Variants in EDEM2 observed in about 807,000 individuals in gnomAD.
EDEM2 encodes ER degradation-enhancing alpha-mannosidase-like protein 2.
Under a neutral mutation model 64.8 loss-of-function variants are expected in EDEM2, and 39 were observed. That is an observed-to-expected ratio of 0.60 (90% CI 0.47 to 0.79). EDEM2 has a LOEUF of 0.79. EDEM2 is among the 30% of genes least tolerant of loss of function. EDEM2 has a pLI of 0.00. For synonymous variants in EDEM2, 296 were observed against 291.5 expected (o/e 1.02, Z -0.16); for missense variants, 609 against 731.3 (o/e 0.83, Z 1.93).
chr20:35,122,430 A>G (rs998269677), intron 9 of EDEM2, among the ~76,000 whole-genome samples: 1 of 152,184 alleles, frequency 6.6e-6, no homozygotes, highest in African/African-American at 2.4e-5. Flanking sequence ...GCTGGAGTGC[A>G]ATGGCGTGAT....
Position 35,123,946 on chromosome 20 carries a change from T to C in EDEM2, c.1058A>G (p.Tyr353Cys). 1.2e-6 allele frequency: 2 copies of C among 1,614,180 alleles called. No homozygotes were observed. Among genetic ancestry groups the C allele is most frequent in the Non-Finnish European group, 1.7e-6 (2 of 1,180,028 alleles). ...CACTGTGTATCCCTGAGGAATGTTG[T>C]AGAATTCCGGGAGCCCCCCAAACTG... The part of the protein sequence containing the change: ...WKQFGGLPEF[Y>C]NIPQGYTVEK... The change falls in exon 9 of 11, where the codon TAC becomes TGC. Residue 353 changes from tyrosine to cysteine, a missense_variant. Physicochemically the swap from Tyr to Cys is radical, Grantham distance 194 (BLOSUM62 -2). Transcript: ENST00000374492.
At chr20:35,131,823 G>A (rs79204710) in intron 6 of EDEM2, 40 bp from the exon 7 acceptor site, 52 of 1,599,290 alleles carry the variant, frequency 3.3e-5, no homozygotes, top group South Asian at 2.0e-4. Context: ...CGGGAAGGCC[G>A]ATGGCCAAAG....
chr20:35,115,942 T>A lies in EDEM2; in HGVS notation c.1237-9A>T. 6.2e-7 allele frequency: 1 copy of A among 1,610,910 alleles called. No individual in the cohort carries two copies. Among genetic ancestry groups the A allele is most frequent in the Non-Finnish European group, 8.5e-7 (1 of 1,177,960 alleles). ...TCTCGCAGATCTTTGATCTGACATG[T>A]GGGAGAAGGAAGCAAGCTGGAACAC... On this transcript the variant is annotated splice_polypyrimidine_tract_variant and intron_variant, in intron 10 of 10. Transcript: ENST00000374492.
At chr20:35,146,101 T>C (rs2085728469) in intron 2 of EDEM2, among the ~76,000 whole-genome samples, 1 of 151,702 alleles carries the variant, frequency 6.6e-6, no homozygotes, top group Non-Finnish European at 1.5e-5. Context: ...CATCTATATA[T>C]ATAATGGTAT....
chr20:35,142,640 A>C (rs1444873790), intron 3 of EDEM2, among the ~76,000 whole-genome samples, 162 bp from the exon 4 acceptor site: 1 of 152,214 alleles, frequency 6.6e-6, no homozygotes, highest in African/African-American at 2.4e-5. Flanking sequence ...AGAGCTAGAA[A>C]TCATCTAGAG....
intron 5 of EDEM2, among the ~76,000 whole-genome samples, 186 bp downstream of exon 5, chr20:35,137,694 C>A (rs2085596277): frequency 6.6e-6 from 1 of 152,204 alleles, no homozygotes; most frequent in South Asian, 2.1e-4. Flanking sequence ...CGGGTCAGGG[C>A]CCCAGCAGGC....
At chr20:35,126,733 A>G (rs1223114714) in intron 7 of EDEM2, among the ~76,000 whole-genome samples, 1 of 152,050 alleles carries the variant, frequency 6.6e-6, no homozygotes, top group East Asian at 1.9e-4. Context: ...ACCAACACGG[A>G]GAAACCCTGT....
At chr20:35,135,557 A>G (rs1030141875) in intron 5 of EDEM2, among the ~76,000 whole-genome samples, 1 of 152,306 alleles carries the variant, frequency 6.6e-6, no homozygotes, top group African/African-American at 2.4e-5. Context: ...AGACTGAGGC[A>G]CGAGAATCGT....
chr20:35,123,786 A>G, intron 9 of EDEM2, 104 bp downstream of exon 9: 1 of 1,409,990 alleles, frequency 7.1e-7, no homozygotes, highest in East Asian at 2.3e-5. Context: ...GATGGAAAGA[A>G]ATGAACTTGT....
At chr20:35,118,229 G>C (rs2085330179) in intron 10 of EDEM2, among the ~76,000 whole-genome samples, 3 of 152,152 alleles carry the variant, frequency 2.0e-5, no homozygotes, top group Non-Finnish European at 4.4e-5. Context: ...TGAATATAGG[G>C]CTATGGGACT....
In EDEM2 at chr20:35,134,801, C is replaced by T; in HGVS notation, c.639G>A (p.Val213=). 3 of 1,614,106 alleles carry T rather than the reference C, an allele frequency of 1.9e-6. No homozygotes were observed. The highest frequency in any genetic ancestry group is 2.5e-6 in the Non-Finnish European group (3 of 1,180,036). Residue 213 remains valine, a synonymous_variant, in exon 6 of 11, where the codon GTG becomes GTA. Coordinates refer to ENST00000374492, the MANE Select transcript of EDEM2 (RefSeq NM_018217.3). ...AAGCCACTCTGGCCACATCTTCGAA[C>T]ACCGGGTCACCAGTGAGGCTGCTCA... is the stretch of plus-strand genomic sequence containing the variant. ...ATLSSLTGDP[V]FEDVARVALM...
Position 35,147,313 on chromosome 20 carries a change from C to A in EDEM2, c.-55G>T. The A allele has an allele frequency of 2.8e-6, 4 of 1,423,010 alleles. No homozygotes were observed. The highest frequency in any genetic ancestry group is 1.5e-5 in the South Asian group (1 of 65,806). The allele number at this position is 1,423,010 out of a possible 1,614,324, so 88.1% of individuals were successfully genotyped here. A position where few individuals can be genotyped will look rare whatever the true frequency, so the allele number is the denominator to read the frequency against. ...GCAGCAGCAGCCACTGCAACCAGTT[C>A]ATCCTGGGAGCTGCTGCGGGTTCTT... On this transcript the variant is annotated 5_prime_UTR_variant, in exon 1 of 11. It removes an upstream start codon present in the reference 5' UTR. Transcript: ENST00000374492.
At chr20:35,127,091 A>T (rs2085443946) in intron 7 of EDEM2, among the ~76,000 whole-genome samples, 1 of 152,076 alleles carries the variant, frequency 6.6e-6, no homozygotes, top group Non-Finnish European at 1.5e-5. Context: ...GTCTCACAAG[A>T]TCTGATGGTT....
chr20:35,146,763 C>A, intron 2 of EDEM2, 62 bp downstream of exon 2: 3 of 1,568,228 alleles, frequency 1.9e-6, no homozygotes, highest in Non-Finnish European at 2.6e-6. Flanking sequence ...CCCCAGCTGA[C>A]CCGCCCGCCG....
intron 3 of EDEM2, 39 bp downstream of exon 3, chr20:35,144,940 G>T: frequency 6.2e-7 from 1 of 1,608,758 alleles, no homozygotes; most frequent in Non-Finnish European, 8.5e-7. Context: ...TGTTGGTTAT[G>T]TAACAGTGGA....
At chr20:35,137,772 C>A (rs942389648) in intron 5 of EDEM2, 108 bp downstream of exon 5, 2 of 1,478,096 alleles carry the variant, frequency 1.4e-6, no homozygotes, top group Non-Finnish European at 1.8e-6. Flanking sequence ...ACCAAATACA[C>A]CTGGTGAGAA....
rs184063388 is a variant in EDEM2 at position 35,142,494 on chromosome 20, A to G, written c.259-16T>C. 38 of 1,597,950 alleles carry G rather than the reference A, an allele frequency of 2.4e-5. No homozygotes were observed. The highest frequency in any genetic ancestry group is 3.2e-5 in the Non-Finnish European group (37 of 1,166,594). The stretch of plus-strand genomic sequence containing the variant: ...TCCCCAAAATCTGGAAATAAAAAAG[A>G]GACCTGACAATGAGGCTCTTACATG... On this transcript the variant is annotated splice_polypyrimidine_tract_variant and intron_variant, in intron 3 of 10. Transcript: ENST00000374492.
At chr20:35,131,008 C>T (rs1465827550) in intron 7 of EDEM2, among the ~76,000 whole-genome samples, 5 of 152,148 alleles carry the variant, frequency 3.3e-5, no homozygotes, top group East Asian at 1.9e-4. Flanking sequence ...GATCAAGCTA[C>T]TTCCTGGGCA....
At chr20:35,116,272 G>A (rs1005653570) in intron 10 of EDEM2, among the ~76,000 whole-genome samples, 4 of 152,058 alleles carry the variant, frequency 2.6e-5, no homozygotes, top group African/African-American at 9.7e-5. Flanking sequence ...CTCCCAAAGT[G>A]CCAGGATAAC....
Sources: allele counts gnomAD v4.1 joint callset (sites outside exome capture counted in the v4.1 genomes callset), GRCh38; gene constraint gnomAD v4.1.1; transcripts MANE v1.5; gene names NCBI Gene and HGNC (gene_info 2026-07-23, HGNC 2026-07-21).